The following CDKL3 variants were observed in gnomAD, a reference collection of about 807,000 sequenced individuals.
CDKL3 encodes cyclin-dependent kinase-like 3.
CDKL3 carries 65 observed loss-of-function variants against 69.3 expected under a neutral mutation model. That is an observed-to-expected ratio of 0.94 (90% confidence interval 0.77 to 1.15). The LOEUF (loss-of-function observed/expected upper bound fraction) is 1.15. Ranked by LOEUF, CDKL3 falls within the 50% of genes most tolerant of loss-of-function variation. The pLI is 0.00. For synonymous variants in CDKL3, 202 were observed against 221.6 expected, an observed-to-expected ratio of 0.91 and a Z score of 0.79; for missense variants, 652 against 689.2, an observed-to-expected ratio of 0.95 and a Z score of 0.61.
chr5:134,360,784 C>T (rs1446983603), intron 2 of CDKL3, among the ~76,000 whole-genome samples: 1 of 152,062 alleles, frequency 6.6e-6, no homozygotes, highest in Admixed American at 6.6e-5. Flanking sequence ...GATTTCAACA[C>T]GATTAAGTAT....
At chr5:134,348,927 GAC>G (rs1232765386) in intron 4 of CDKL3, among the ~76,000 whole-genome samples, 15 of 152,248 alleles carry the variant, frequency 9.9e-5, no homozygotes, top group African/African-American at 3.4e-4. Flanking sequence ...GAGGTACAGA[GAC>G]AGTCTGTACA....
upstream of CDKL3, among the ~76,000 whole-genome samples, chr5:134,369,325 C>T (rs542783064): frequency 3.3e-5 from 5 of 152,274 alleles, 1 homozygote; most frequent in South Asian, 8.3e-4. Context: ...TCTCTGAATT[C>T]CTTACCTCTA....
At chr5:134,328,230 A>G (rs1774885791) in intron 4 of CDKL3, among the ~76,000 whole-genome samples, 1 of 152,216 alleles carries the variant, frequency 6.6e-6, no homozygotes, top group Non-Finnish European at 1.5e-5. Context: ...AACAATTATG[A>G]ATATGTTCAC....
rs192697600 is a variant in CDKL3, at chr5:134,314,002, G to A, written c.793-1622C>T. On this transcript the variant is annotated intron_variant, in intron 6 of 12. Transcript: ENST00000265334. ...AAAAAAAAATAATACAAAATTAGCCGGGTGTGGTGGCACATGCCTGTAATC... is the reference window on the plus strand; with the variant it reads ...AAAAAAAAATAATACAAAATTAGCCAGGTGTGGTGGCACATGCCTGTAATC... Among the ~76,000 whole-genome samples the A allele has an allele frequency of 3.6e-3, 552 of 151,934 alleles. 2 individuals carry two copies. The highest frequency in any genetic ancestry group is 0.013 in the African/African-American group (528 of 41,468).
intron 9 of CDKL3, among the ~76,000 whole-genome samples, chr5:134,307,264 CTTCTACCTG>C (rs1295871530): frequency 6.6e-6 from 1 of 152,172 alleles, no homozygotes; most frequent in African/African-American, 2.4e-5. Context: ...TACTTGCTCC[CTTCTACCTG>C]TTCTGAATTT....
chr5:134,354,645 C>T (rs1754112723), intron 3 of CDKL3, among the ~76,000 whole-genome samples: 1 of 152,072 alleles, frequency 6.6e-6, no homozygotes, highest in South Asian at 2.1e-4. Context: ...CATTAAAAAG[C>T]ACATTAAGAT....
intron 4 of CDKL3, among the ~76,000 whole-genome samples, chr5:134,333,257 G>A (rs549705435): frequency 2.6e-5 from 4 of 152,268 alleles, no homozygotes; most frequent in African/African-American, 9.6e-5. Flanking sequence ...CATGTCATCT[G>A]CAAACAGAGA....
chr5:134,306,672 A>C lies in CDKL3; in HGVS notation c.1395T>G (p.Thr465=). ...RLTERAKKRR[T]SSQSIGQVMP... Reference sequence around the variant, plus strand: ...TAACTTGTCCAATAGATTGTGAAGAAGTGCGTCTCTTTTTTGCTCTTTCAG... The same window carrying C: ...TAACTTGTCCAATAGATTGTGAAGACGTGCGTCTCTTTTTTGCTCTTTCAG... The change falls in exon 10 of 13, where the codon ACT becomes ACG. Residue 465 remains threonine (T), a synonymous_variant. Coordinates refer to ENST00000265334, the MANE Select transcript of CDKL3 (RefSeq NM_001113575.2). 6.3e-7 allele frequency: 1 copy of C among 1,575,360 alleles called. No individual in the cohort carries two copies. The highest frequency in any genetic ancestry group is 8.6e-7 in the Non-Finnish European group (1 of 1,167,396).
intron 4 of CDKL3, among the ~76,000 whole-genome samples, chr5:134,340,395 AT>A (rs1403947025): frequency 1.3e-5 from 2 of 152,340 alleles, no homozygotes; most frequent in Admixed American, 1.3e-4. Context: ...TAAATAGAGA[AT>A]AAGAAAACAG....
intron 6 of CDKL3, among the ~76,000 whole-genome samples, chr5:134,317,577 T>A (rs1771491298): frequency 6.6e-6 from 1 of 152,248 alleles, no homozygotes; most frequent in Non-Finnish European, 1.5e-5. Flanking sequence ...TGAGCAACGA[T>A]CACACCATTG....
At chr5:134,338,144 G>A (rs1777558704) in intron 4 of CDKL3, among the ~76,000 whole-genome samples, 1 of 152,002 alleles carries the variant, frequency 6.6e-6, no homozygotes, top group Non-Finnish European at 1.5e-5. Context: ...GTGAGAGGGA[G>A]TAAAACTATA....
In CDKL3 at chr5:134,351,517, A is replaced by T. The variant is rs566377730; in HGVS notation, c.361-1090T>A. Among the ~76,000 whole-genome samples the T allele has an allele frequency of 5.5e-4, 84 of 152,290 alleles. No homozygotes were observed. In the South Asian group the frequency reaches 7.1e-3, roughly 13 times the overall value. On this transcript the variant is annotated intron_variant, in intron 3 of 12. Transcript: ENST00000265334. ...CAGCCTCAAACTCCTGGGCTCAAGC[A>T]AGGAGCCTACCACCTGAGACAATCC... is the stretch of plus-strand genomic sequence containing the variant.
chr5:134,317,800 C>T (rs1771571831), intron 6 of CDKL3, among the ~76,000 whole-genome samples: 1 of 151,894 alleles, frequency 6.6e-6, no homozygotes, highest in African/African-American at 2.4e-5. Flanking sequence ...CCAGGCTACT[C>T]GGGAGGCTGA....
At chr5:134,371,555 A>G (rs1393823295), upstream of CDKL3, 2 of 1,583,890 alleles carry the variant, frequency 1.3e-6, no homozygotes, top group Admixed American at 1.7e-5. Context: ...GCTGCGCGGG[A>G]CTTTTTTTTT....
chr5:134,319,308 C>A, intron 6 of CDKL3, 50 bp downstream of exon 6: 2 of 1,385,522 alleles, frequency 1.4e-6, no homozygotes, highest in Admixed American at 3.1e-5. Context: ...ACAGCCTGGG[C>A]GACAGAGCAA....
chr5:134,302,243 A>AGCCTTT (rs1766531232), intron 12 of CDKL3: 1 of 459,116 alleles, frequency 2.2e-6, no homozygotes, highest in East Asian at 6.9e-5. Context: ...AAGAGGCTTA[A>AGCCTTT]AGGCAAAGAC....
intron 2 of CDKL3, among the ~76,000 whole-genome samples, chr5:134,361,498 A>G (rs1349862750): frequency 1.3e-5 from 2 of 152,244 alleles, no homozygotes; most frequent in African/African-American, 2.4e-5. Context: ...AAACATGACT[A>G]GAGAAAAACA....
chr5:134,288,635 C>A (rs1194958445), intron 8 of CDKL3, among the ~76,000 whole-genome samples: 2 of 152,140 alleles, frequency 1.3e-5, no homozygotes, highest in Non-Finnish European at 2.9e-5. Context: ...AGATAACTCG[C>A]ATAACAAAAC....
In CDKL3 at chr5:134,344,767, A is replaced by G. The variant is rs929787588; in HGVS notation, c.539+5482T>C. 4.6e-5 allele frequency among the ~76,000 whole-genome samples: 7 copies of G among 152,238 alleles called. No individual in the cohort carries two copies. The East Asian group carries it at 1.4e-3, about 29-fold the overall frequency. Reference sequence around the variant, plus strand: ...AGCGAGACCCTGTCTCTACAAAATAAAAAAGCCAGCCATAGGCTGGGTGCA... The same window carrying G: ...AGCGAGACCCTGTCTCTACAAAATAGAAAAGCCAGCCATAGGCTGGGTGCA... On this transcript the variant is annotated intron_variant, in intron 4 of 12. Coordinates refer to ENST00000265334, the MANE Select transcript of CDKL3 (RefSeq NM_001113575.2).
Sources: allele counts gnomAD v4.1 joint callset (sites outside exome capture counted in the v4.1 genomes callset), GRCh38; gene constraint gnomAD v4.1.1; transcripts MANE v1.5; gene names NCBI Gene and HGNC (gene_info 2026-07-23, HGNC 2026-07-21).